The following PDE4D variants were observed in gnomAD, a reference collection of about 807,000 sequenced individuals.
PDE4D encodes phosphodiesterase 4D, also known as 3',5'-cyclic-AMP phosphodiesterase 4D.
In PDE4D, 24 loss-of-function variants were observed where a neutral mutation model predicts 87.4. The observed-to-expected ratio is 0.27, with a 90% confidence interval of 0.20 to 0.39. The LOEUF (loss-of-function observed/expected upper bound fraction) is 0.39, where lower values mean the gene tolerates loss of function less well. Among genes scored for constraint, PDE4D ranks in the 10% least tolerant of loss-of-function variants. The probability of loss-of-function intolerance (pLI) is 1.00; values close to 1 mark genes in which losing one functional copy is unlikely to be tolerated. For missense variants in PDE4D, 714 were observed against 1,041.0 expected, an observed-to-expected ratio of 0.69 and a Z score of 4.32; for synonymous variants, 384 against 383.2, an observed-to-expected ratio of 1.00 and a Z score of -0.02.
chr5:60,280,408 T>C (rs1039874569), intron 1 of PDE4D, among the ~76,000 whole-genome samples: 3 of 151,948 alleles, frequency 2.0e-5, no homozygotes, highest in Non-Finnish European at 4.4e-5. Flanking sequence ...CTATGTATAC[T>C]CCATCTTCCT....
chr5:59,153,773 G>T lies in PDE4D; in HGVS notation c.808+26822C>A, dbSNP rs540543279. Among the ~76,000 whole-genome samples the T allele has an allele frequency of 2.2e-3, 333 of 148,968 alleles. 2 individuals are homozygous for T. Among genetic ancestry groups the T allele is most frequent in the African/African-American group, 7.7e-3 (313 of 40,582 alleles). ...CAGGGTTTTTTTTTTTGTTGTTGTT[G>T]TTTTTTTTTAATAAAGAGGCATAGA... On this transcript the variant is annotated intron_variant, in intron 5 of 14. Transcript: ENST00000340635.
chr5:59,703,954 G>C (rs1038837246), intron 1 of PDE4D, among the ~76,000 whole-genome samples: 1 of 152,094 alleles, frequency 6.6e-6, no homozygotes, highest in African/African-American at 2.4e-5. Flanking sequence ...TAGAGGCAGA[G>C]AGAGTAAAAG....
intron 1 of PDE4D, among the ~76,000 whole-genome samples, chr5:59,578,614 C>T (rs1823560912): frequency 6.6e-6 from 1 of 152,100 alleles, no homozygotes; most frequent in Admixed American, 6.6e-5. Flanking sequence ...TCCAATTCCC[C>T]CTAGTAGCTG....
chr5:59,357,002 G>A (rs1258185400), intron 1 of PDE4D: 2 of 881,386 alleles, frequency 2.3e-6, no homozygotes, highest in East Asian at 3.3e-5. Flanking sequence ...GAGATGGCAG[G>A]CTGGCTGAGG....
chr5:59,762,854 G>GATAT (rs35979900), intron 1 of PDE4D, among the ~76,000 whole-genome samples: 5,268 of 51,300 alleles, frequency 0.1, 463 homozygotes, highest in Middle Eastern at 0.13. Flanking sequence ...ACTGCTTAAG[G>GATAT]ATATATATAT....
chr5:60,274,568 C>A (rs1751171917), intron 1 of PDE4D, among the ~76,000 whole-genome samples: 1 of 152,154 alleles, frequency 6.6e-6, no homozygotes, highest in Non-Finnish European at 1.5e-5. Flanking sequence ...ACCATGTTGG[C>A]CAGGCTGGTC....
At chr5:59,864,369 G>T (rs1235949709) in intron 1 of PDE4D, among the ~76,000 whole-genome samples, 1 of 152,174 alleles carries the variant, frequency 6.6e-6, no homozygotes, top group Non-Finnish European at 1.5e-5. Context: ...TTCTTTGGCT[G>T]TAACCTGCAT....
intron 2 of PDE4D, among the ~76,000 whole-genome samples, chr5:60,052,338 C>G (rs968164891): frequency 6.6e-6 from 1 of 152,178 alleles, no homozygotes; most frequent in African/African-American, 2.4e-5. Flanking sequence ...AGCTTACGCA[C>G]CATGATCAGG....
At chr5:59,016,435 G>A (rs955679996) in intron 6 of PDE4D, among the ~76,000 whole-genome samples, 3 of 124,216 alleles carry the variant, frequency 2.4e-5, no homozygotes, top group Admixed American at 1.1e-4. Context: ...GGAATCTGCT[G>A]CCTCACGGTC....
At chr5:60,434,973 T>C (rs930998115) in intron 1 of PDE4D, among the ~76,000 whole-genome samples, 2 of 152,062 alleles carry the variant, frequency 1.3e-5, no homozygotes, top group Non-Finnish European at 2.9e-5. Context: ...GTATACTTTG[T>C]CAAGAGCACT....
At chr5:59,464,966 G>A (rs898393117) in intron 1 of PDE4D, among the ~76,000 whole-genome samples, 2 of 152,202 alleles carry the variant, frequency 1.3e-5, no homozygotes, top group African/African-American at 4.8e-5. Flanking sequence ...AACCTGGTTA[G>A]CAGGATATTT....
chr5:59,282,035 GGTGT>G (rs2153548273), intron 1 of PDE4D, among the ~76,000 whole-genome samples: 1 of 151,978 alleles, frequency 6.6e-6, no homozygotes, highest in Admixed American at 6.6e-5. Context: ...ACCAACATCT[GGTGT>G]GTGTTTTTAA....
intron 6 of PDE4D, among the ~76,000 whole-genome samples, chr5:59,030,422 C>CAAAAAAAAAAAAA (rs373275661): frequency 6.9e-3 from 397 of 57,610 alleles, no homozygotes; most frequent in East Asian, 8.6e-3. Flanking sequence ...AACAGAGATA[C>CAAAAAAAAAAAAA]AAAAAAAAAA....
chr5:59,023,901 CTTT>C (rs200528506), intron 6 of PDE4D, among the ~76,000 whole-genome samples: 2 of 133,260 alleles, frequency 1.5e-5, no homozygotes. Flanking sequence ...ATGAATTCTA[CTTT>C]TTTTTTTTTT....
At chr5:60,073,864 C>T (rs1249172798) in intron 2 of PDE4D, among the ~76,000 whole-genome samples, 1 of 151,948 alleles carries the variant, frequency 6.6e-6, no homozygotes, top group East Asian at 1.9e-4. Flanking sequence ...TTTCTGGGGT[C>T]AGTGGTAATT....
chr5:59,253,426 G>T (rs186491058), intron 1 of PDE4D, among the ~76,000 whole-genome samples: 1 of 151,980 alleles, frequency 6.6e-6, no homozygotes, highest in Non-Finnish European at 1.5e-5. Context: ...AATTGGATGC[G>T]GTACTTGTTC....
At position 59,447,546 on chromosome 5, in the gene PDE4D, C is replaced by G. The variant is rs149714089; in HGVS notation, c.456-231578G>C. On this transcript the variant is annotated intron_variant, in intron 1 of 14. Coordinates refer to ENST00000340635, the MANE Select transcript of PDE4D (RefSeq NM_001104631.2). ...AAGCACAATACAGTGTACAAATTAT[C>G]ACAGGATAGATGTATGGGCTTTTAA... 7.0e-3 allele frequency among the ~76,000 whole-genome samples: 1,071 copies of G among 152,292 alleles called. 7 individuals are homozygous for G. The highest frequency in any genetic ancestry group is 0.024 in the African/African-American group (1,013 of 41,542).
chr5:60,292,885 T>A (rs558721460), intron 1 of PDE4D, among the ~76,000 whole-genome samples: 5 of 152,318 alleles, frequency 3.3e-5, no homozygotes, highest in Non-Finnish European at 5.9e-5. Flanking sequence ...AACATATGAC[T>A]AATTTTGAAC....
intron 1 of PDE4D, among the ~76,000 whole-genome samples, chr5:59,885,723 A>G (rs1750046348): frequency 8.5e-6 from 1 of 118,326 alleles, no homozygotes; most frequent in Admixed American, 9.3e-5. Context: ...TCACTCTTAC[A>G]TGTTGTTTTT....
Sources: gnomAD v4.1 joint callset for allele counts (sites outside exome capture counted in the v4.1 genomes callset) on GRCh38, gnomAD v4.1.1 for gene constraint, MANE v1.5 for transcripts, NCBI Gene and HGNC (gene_info 2026-07-23, HGNC 2026-07-21) for gene names.